NDUFAF2: variants seen among roughly 807,000 people sequenced by gnomAD.
The protein encoded by NDUFAF2 is NADH dehydrogenase [ubiquinone] 1 alpha subcomplex assembly factor 2.
A neutral mutation model predicts 22.8 loss-of-function variants in NDUFAF2; 13 were observed. The ratio of observed to expected loss-of-function variants is 0.57; its 90% confidence interval spans 0.37 to 0.91. The LOEUF is 0.91. Ranked by LOEUF, NDUFAF2 falls within the 40% of genes least tolerant of loss-of-function variation. The probability of loss-of-function intolerance (pLI) is 0.01; values close to 1 mark genes in which losing one functional copy is unlikely to be tolerated. For synonymous variants in NDUFAF2, 53 were observed against 64.2 expected (o/e 0.83, Z 0.84); for missense variants, 162 against 195.2 (o/e 0.83, Z 1.01).
intron 2 of NDUFAF2, among the ~76,000 whole-genome samples, chr5:61,082,640 C>T (rs1260697918): frequency 5.3e-5 from 8 of 152,238 alleles, no homozygotes; most frequent in Admixed American, 2.6e-4. Context: ...TCTGTTTCTG[C>T]ATTAATTCAC....
chr5:61,030,903 A>G (rs946275969), intron 1 of NDUFAF2, among the ~76,000 whole-genome samples: 1 of 152,092 alleles, frequency 6.6e-6, no homozygotes, highest in African/African-American at 2.4e-5. Flanking sequence ...TCCTGAACCT[A>G]CTTCTGCTCA....
At chr5:61,056,529 A>C (rs1002360502) in intron 1 of NDUFAF2, among the ~76,000 whole-genome samples, 1 of 152,114 alleles carries the variant, frequency 6.6e-6, no homozygotes, top group African/African-American at 2.4e-5. Flanking sequence ...ATGTCATCCA[A>C]TTTTGTTAGT....
chr5:61,069,126 CTT>C (rs71606660), intron 1 of NDUFAF2, among the ~76,000 whole-genome samples: 11 of 136,866 alleles, frequency 8.0e-5, no homozygotes, highest in African/African-American at 1.3e-4. Flanking sequence ...AATGTTAGTG[CTT>C]TTTTTTTTTT....
chr5:61,052,369 G>C (rs1436827479), intron 1 of NDUFAF2, among the ~76,000 whole-genome samples: 1 of 152,078 alleles, frequency 6.6e-6, no homozygotes, highest in Non-Finnish European at 1.5e-5. Context: ...GGAGTGCAGT[G>C]GTGCGTTCTC....
intron 1 of NDUFAF2, among the ~76,000 whole-genome samples, chr5:61,072,459 A>T (rs577200949): frequency 8.2e-4 from 125 of 152,306 alleles, no homozygotes; most frequent in African/African-American, 2.8e-3. Flanking sequence ...TGCTTCCTCT[A>T]AGATATATAC....
intron 1 of NDUFAF2, among the ~76,000 whole-genome samples, chr5:61,054,836 G>A (rs766850168): frequency 2.0e-5 from 3 of 152,160 alleles, no homozygotes; most frequent in Non-Finnish European, 1.5e-5. Flanking sequence ...CAAGTAGAGA[G>A]CATTGCTTTA....
At chr5:61,056,880 C>G (rs1401463969) in intron 1 of NDUFAF2, among the ~76,000 whole-genome samples, 1 of 88,682 alleles carries the variant, frequency 1.1e-5, no homozygotes, top group African/African-American at 5.0e-5. Context: ...CAGAACGACA[C>G]TCTGTCTCCA....
intron 1 of NDUFAF2, among the ~76,000 whole-genome samples, chr5:61,031,350 CTG>C (rs1751724439): frequency 6.6e-6 from 1 of 152,078 alleles, no homozygotes. Flanking sequence ...GTTCCCCTAT[CTG>C]TGTCCATGTG....
intron 1 of NDUFAF2, among the ~76,000 whole-genome samples, chr5:61,043,399 T>C (rs1284368879): frequency 6.6e-6 from 1 of 151,654 alleles, no homozygotes; most frequent in East Asian, 1.9e-4. Flanking sequence ...CTAATATTAA[T>C]ATAAACTAAG....
At chr5:60,958,455 A>G (rs1226827988) in intron 1 of NDUFAF2, among the ~76,000 whole-genome samples, 1 of 152,132 alleles carries the variant, frequency 6.6e-6, no homozygotes, top group Non-Finnish European at 1.5e-5. Context: ...CAATCTTTTT[A>G]GTGATACTTA....
intron 3 of NDUFAF2, among the ~76,000 whole-genome samples, chr5:61,104,158 G>A (rs1752734031): frequency 6.6e-6 from 1 of 152,166 alleles, no homozygotes; most frequent in African/African-American, 2.4e-5. Context: ...GGAGCATCTG[G>A]TAATAGTTCA....
At chr5:61,146,667 C>A (rs932587380) in intron 3 of NDUFAF2, among the ~76,000 whole-genome samples, 1 of 151,948 alleles carries the variant, frequency 6.6e-6, no homozygotes, top group Non-Finnish European at 1.5e-5. Flanking sequence ...TTTGGATGTG[C>A]CTTGGTTTTA....
chr5:61,013,834 T>C (rs972247573), intron 1 of NDUFAF2, among the ~76,000 whole-genome samples: 1 of 152,212 alleles, frequency 6.6e-6, no homozygotes, highest in Admixed American at 6.5e-5. Context: ...AGGAAATTCC[T>C]GAGAAGTAAT....
intron 1 of NDUFAF2, among the ~76,000 whole-genome samples, chr5:61,003,738 A>G (rs917353928): frequency 6.7e-5 from 10 of 150,288 alleles, no homozygotes; most frequent in Non-Finnish European, 1.0e-4. Flanking sequence ...GCAACCTCAA[A>G]CTCCTGGTCT....
At chr5:60,957,799 G>A (rs368004719) in intron 1 of NDUFAF2, among the ~76,000 whole-genome samples, 19 of 152,166 alleles carry the variant, frequency 1.2e-4, no homozygotes, top group Non-Finnish European at 2.6e-4. Context: ...GTAGTTGCCT[G>A]TGAGAAATAG....
chr5:61,074,496 A>G (rs1031393434), intron 2 of NDUFAF2, among the ~76,000 whole-genome samples: 1 of 152,208 alleles, frequency 6.6e-6, no homozygotes, highest in Non-Finnish European at 1.5e-5. Context: ...CTGAGGCAGG[A>G]GAATCACTTG....
chr5:61,052,878 C>T (rs556076771), intron 1 of NDUFAF2, among the ~76,000 whole-genome samples: 2 of 152,300 alleles, frequency 1.3e-5, no homozygotes, highest in South Asian at 4.1e-4. Context: ...TATTCAGGAA[C>T]ATATTTGTGG....
intron 2 of NDUFAF2, among the ~76,000 whole-genome samples, chr5:61,082,394 A>G (rs1288565501): frequency 2.0e-5 from 3 of 152,130 alleles, no homozygotes; most frequent in Non-Finnish European, 2.9e-5. Context: ...CACCATGCCT[A>G]TAAGTACACT....
intron 2 of NDUFAF2, among the ~76,000 whole-genome samples, chr5:61,095,865 T>C (rs1327849049): frequency 6.6e-6 from 1 of 152,014 alleles, no homozygotes; most frequent in Non-Finnish European, 1.5e-5. Flanking sequence ...TCTCCAGGGG[T>C]CGAGTTGTTT....
Sources: allele counts gnomAD v4.1 joint callset (sites outside exome capture counted in the v4.1 genomes callset), GRCh38; gene constraint gnomAD v4.1.1; transcripts MANE v1.5; gene names NCBI Gene and HGNC (gene_info 2026-07-23, HGNC 2026-07-21).